The following TXNRD2 variants were observed in gnomAD, a reference collection of about 807,000 sequenced individuals.
TXNRD2 encodes thioredoxin reductase 2.
In TXNRD2, 67 loss-of-function variants were observed where a neutral mutation model predicts 70.8. The observed-to-expected ratio is 0.95, with a 90% CI of 0.78 to 1.16. The LOEUF (loss-of-function observed/expected upper bound fraction) is 1.16, where lower values mean the gene tolerates loss of function less well. TXNRD2 is among the 50% of genes most tolerant of loss of function. The pLI is 0.00. For missense variants in TXNRD2, 644 were observed against 719.9 expected (o/e 0.89, Z 1.21); for synonymous variants, 301 against 295.8 (o/e 1.02, Z -0.18).
intron 12 of TXNRD2, 118 bp downstream of exon 12, chr22:19,883,205 CCT>C: frequency 7.5e-7 from 1 of 1,341,898 alleles, no homozygotes; most frequent in Non-Finnish European, 1.0e-6. Flanking sequence ...TGGCCCAGAG[CCT>C]CTGTCATCAG....
At chr22:19,886,029 T>C (rs983726501) in intron 11 of TXNRD2, among the ~76,000 whole-genome samples, 6 of 152,234 alleles carry the variant, frequency 3.9e-5, no homozygotes, top group Non-Finnish European at 7.3e-5. Context: ...GTGAAAGGCA[T>C]GACAGCTGGA....
intron 7 of TXNRD2, among the ~76,000 whole-genome samples, chr22:19,914,736 G>A (rs1049873217): frequency 1.1e-4 from 17 of 152,132 alleles, no homozygotes; most frequent in Admixed American, 2.0e-4. Flanking sequence ...ACTGATGGCC[G>A]CACAGCTCTG....
In TXNRD2 at chr22:19,879,379, G is replaced by C. The variant is rs183720176; in HGVS notation, c.1275+800C>G. On this transcript the variant is annotated intron_variant, in intron 14 of 17. Coordinates refer to ENST00000400521, the MANE Select transcript of TXNRD2 (RefSeq NM_006440.5). Reference sequence around the variant, plus strand: ...CGCACCGAAGGCTTCCAGCTACCACGGCCCGGCAGGCTTCAGAGCCCCCGC... The same window carrying C: ...CGCACCGAAGGCTTCCAGCTACCACCGCCCGGCAGGCTTCAGAGCCCCCGC... Among the ~76,000 whole-genome samples the C allele has an allele frequency of 3.9e-4, 59 of 152,204 alleles. No individual in the cohort carries two copies. The East Asian group carries it at 0.011, about 28-fold the overall frequency.
chr22:19,912,857 C>T (rs147509771), intron 7 of TXNRD2, among the ~76,000 whole-genome samples: 182 of 152,320 alleles, frequency 1.2e-3, no homozygotes, highest in African/African-American at 4.1e-3. Context: ...AAGCACAGGA[C>T]GAAGTGGAGG....
intron 14 of TXNRD2, among the ~76,000 whole-genome samples, chr22:19,879,924 C>A (rs1938684439): frequency 6.6e-6 from 1 of 152,152 alleles, no homozygotes; most frequent in Non-Finnish European, 1.5e-5. Flanking sequence ...AGCCAAGGGC[C>A]TTCCCCTCAC....
At chr22:19,898,336 C>T (rs141337083) in intron 9 of TXNRD2, among the ~76,000 whole-genome samples, 2 of 152,198 alleles carry the variant, frequency 1.3e-5, no homozygotes, top group Non-Finnish European at 2.9e-5. Context: ...CGGACTAGGC[C>T]GGCCTCTGGC....
intron 8 of TXNRD2, among the ~76,000 whole-genome samples, chr22:19,906,853 A>G (rs1258562034): frequency 2.8e-5 from 4 of 142,170 alleles, no homozygotes; most frequent in East Asian, 2.1e-4. Context: ...CTCTCAGGAG[A>G]GTGTGGGCGC....
At chr22:19,914,744 C>A (rs889925166) in intron 7 of TXNRD2, among the ~76,000 whole-genome samples, 6 of 152,100 alleles carry the variant, frequency 3.9e-5, no homozygotes, top group South Asian at 2.1e-4. Context: ...CCGCACAGCT[C>A]TGTGAATGTA....
chr22:19,935,082 G>A (rs5993878), intron 1 of TXNRD2, among the ~76,000 whole-genome samples: 2,808 of 152,246 alleles, frequency 0.018, 80 homozygotes, highest in African/African-American at 0.063. Context: ...CATAAGGTCT[G>A]ACTGCCTGTG....
At chr22:19,919,987 T>C (rs1940834352) in intron 2 of TXNRD2, among the ~76,000 whole-genome samples, 1 of 152,088 alleles carries the variant, frequency 6.6e-6, no homozygotes, top group South Asian at 2.1e-4. Context: ...CACCCAAGCA[T>C]CCCTGGGTGG....
At chr22:19,908,628 G>T (rs1041528698) in intron 8 of TXNRD2, among the ~76,000 whole-genome samples, 9 of 152,098 alleles carry the variant, frequency 5.9e-5, no homozygotes, top group Admixed American at 3.9e-4. Context: ...CCCACTTCTG[G>T]GTTTGCATCC....
chr22:19,926,876 G>A (rs984429194), intron 2 of TXNRD2, among the ~76,000 whole-genome samples: 4 of 152,224 alleles, frequency 2.6e-5, no homozygotes, highest in African/African-American at 9.7e-5. Flanking sequence ...CAGGGGCTGG[G>A]GAGAGGGGGG....
chr22:19,924,237 T>C (rs1180647646), intron 2 of TXNRD2, among the ~76,000 whole-genome samples: 1 of 152,066 alleles, frequency 6.6e-6, no homozygotes, highest in African/African-American at 2.4e-5. Flanking sequence ...TCTCTCTTTC[T>C]TCCACCAAGA....
intron 2 of TXNRD2, among the ~76,000 whole-genome samples, chr22:19,930,730 C>T (rs993131743): frequency 7.2e-5 from 11 of 152,128 alleles, no homozygotes; most frequent in African/African-American, 1.9e-4. Flanking sequence ...GGGGAGCCCA[C>T]GGAGGGTGTG....
At chr22:19,932,662 C>A in intron 1 of TXNRD2, 3 of 1,161,086 alleles carry the variant, frequency 2.6e-6, no homozygotes, top group Non-Finnish European at 3.4e-6. Flanking sequence ...TGACAAGACT[C>A]TAGGGTATAA....
At chr22:19,922,418 G>C (rs547312337) in intron 2 of TXNRD2, among the ~76,000 whole-genome samples, 2 of 152,006 alleles carry the variant, frequency 1.3e-5, no homozygotes, top group Non-Finnish European at 2.9e-5. Context: ...TGTTGTTCCG[G>C]GTCCTGGCCC....
At chr22:19,911,509 T>A in intron 7 of TXNRD2, 62 bp from the exon 8 acceptor site, 1 of 1,288,084 alleles carries the variant, frequency 7.8e-7, no homozygotes, top group Non-Finnish European at 1.1e-6. Flanking sequence ...AGGGCTTCCT[T>A]AAAGAGGATG....
At chr22:19,920,648 C>T (rs1372146105) in intron 2 of TXNRD2, among the ~76,000 whole-genome samples, 4 of 152,100 alleles carry the variant, frequency 2.6e-5, no homozygotes, top group East Asian at 1.9e-4. Flanking sequence ...TCCATTTGCC[C>T]GGGCTTGGGC....
chr22:19,930,811 A>C (rs561993046), intron 2 of TXNRD2, among the ~76,000 whole-genome samples: 1 of 152,142 alleles, frequency 6.6e-6, no homozygotes, highest in Non-Finnish European at 1.5e-5. Context: ...GGAGGGCTGG[A>C]GCTGAGGAAG....
Sources: allele counts gnomAD v4.1 joint callset (sites outside exome capture counted in the v4.1 genomes callset), GRCh38; gene constraint gnomAD v4.1.1; transcripts MANE v1.5; gene names NCBI Gene and HGNC (gene_info 2026-07-23, HGNC 2026-07-21).